PRPF18: variants seen among roughly 807,000 people sequenced by gnomAD.
PRPF18 encodes the protein pre-mRNA-splicing factor 18.
A neutral mutation model predicts 46.5 loss-of-function variants in PRPF18; 38 were observed. The observed-to-expected ratio is 0.82, with a 90% CI of 0.63 to 1.07. PRPF18 has a LOEUF of 1.07. PRPF18 is among the 50% of genes least tolerant of loss of function. The pLI, the probability that PRPF18 is intolerant of heterozygous loss-of-function variation, is 0.00. For synonymous variants in PRPF18, 152 were observed against 146.7 expected (o/e 1.04, Z -0.26); for missense variants, 263 against 410.0 (o/e 0.64, Z 3.10).
At chr10:13,613,651 T>C (rs2133757221) in intron 6 of PRPF18, 90 bp from the exon 7 acceptor site, 1 of 1,312,948 alleles carries the variant, frequency 7.6e-7, no homozygotes, top group Admixed American at 2.3e-5. Flanking sequence ...TTAAGGATGA[T>C]TGTATTCTGT....
At chr10:13,642,832 G>T in the PRPF18 span, 2 of 152,184 alleles carry the variant, frequency 1.3e-5, no homozygotes, top group African/African-American at 2.4e-5. Flanking sequence ...AGGAAGTAGA[G>T]AACACTCTCT....
chr10:13,654,278 C>A, the PRPF18 span: 1 of 693,482 alleles, frequency 1.4e-6, no homozygotes, highest in Non-Finnish European at 2.6e-6. Context: ...GATCATGGGG[C>A]TTCTCTTGAA....
At chr10:13,625,412 T>TAGCAAAAATTTAAATC (rs1177227973) in intron 9 of PRPF18, among the ~76,000 whole-genome samples, 1 of 152,166 alleles carries the variant, frequency 6.6e-6, no homozygotes, top group Non-Finnish European at 1.5e-5. Context: ...TCTTAAAAAT[T>TAGCAAAAATTTAAATC]AGCAAAAATT....
chr10:13,648,036 G>C, the PRPF18 span: 1 of 152,152 alleles, frequency 6.6e-6, no homozygotes, highest in Non-Finnish European at 1.5e-5. Context: ...TCACGATTGA[G>C]AATCATCAGT....
intron 3 of PRPF18, among the ~76,000 whole-genome samples, chr10:13,600,555 T>C (rs1309561012): frequency 6.6e-6 from 1 of 152,228 alleles, no homozygotes; most frequent in Non-Finnish European, 1.5e-5. Flanking sequence ...TTAGAGCTTA[T>C]CCTTCTAAAC....
chr10:13,609,783 G>T (rs547415805), intron 4 of PRPF18, among the ~76,000 whole-genome samples: 1 of 152,258 alleles, frequency 6.6e-6, no homozygotes, highest in African/African-American at 2.4e-5. Flanking sequence ...TGTCACTCAC[G>T]TGTATTTTAT....
At chr10:13,648,263 A>G in the PRPF18 span, 2 of 152,220 alleles carry the variant, frequency 1.3e-5, no homozygotes, top group Non-Finnish European at 1.5e-5. Context: ...GACACTGGCC[A>G]TGGGTATTAC....
chr10:13,591,465 C>T, intron 1 of PRPF18: 1 of 612,754 alleles, frequency 1.6e-6, no homozygotes, highest in South Asian at 2.0e-5. Context: ...ATGTAGAACA[C>T]CAATTTGTGA....
intron 1 of PRPF18, among the ~76,000 whole-genome samples, chr10:13,588,424 C>T (rs1264973602): frequency 1.3e-5 from 2 of 148,232 alleles, no homozygotes; most frequent in East Asian, 3.9e-4. Context: ...AAAAAAAATT[C>T]CTTCTAGCCA....
chr10:13,598,979 GT>G (rs1381280816), intron 2 of PRPF18, among the ~76,000 whole-genome samples: 1 of 152,278 alleles, frequency 6.6e-6, no homozygotes, highest in Admixed American at 6.5e-5. Context: ...AAAGATAATT[GT>G]TGATAACTTC....
At chr10:13,647,528 T>G in the PRPF18 span, 1 of 152,274 alleles carries the variant, frequency 6.6e-6, no homozygotes, top group East Asian at 1.9e-4. Context: ...CAGATGTCAC[T>G]AGGAAATTTT....
chr10:13,642,721 G>T, the PRPF18 span: 1 of 152,142 alleles, frequency 6.6e-6, no homozygotes, highest in Non-Finnish European at 1.5e-5. Flanking sequence ...TTACGTGAGG[G>T]CCCTTTGTCT....
At chr10:13,621,841 T>G (rs1400002930) in intron 9 of PRPF18, among the ~76,000 whole-genome samples, 2 of 152,242 alleles carry the variant, frequency 1.3e-5, no homozygotes, top group Non-Finnish European at 2.9e-5. Flanking sequence ...AGTTTCCTAG[T>G]AAAGACATCA....
chr10:13,589,962 A>G (rs2079933244), intron 1 of PRPF18, among the ~76,000 whole-genome samples: 1 of 152,068 alleles, frequency 6.6e-6, no homozygotes, highest in Non-Finnish European at 1.5e-5. Context: ...GTTGGAGTGC[A>G]TAGTGGATGT....
intron 1 of PRPF18, among the ~76,000 whole-genome samples, chr10:13,590,320 A>G (rs1360116420): frequency 6.6e-6 from 1 of 151,730 alleles, no homozygotes; most frequent in African/African-American, 2.4e-5. Flanking sequence ...AAATACTGAC[A>G]TTCGGCCGGG....
At chr10:13,650,603 T>C in the PRPF18 span, among the ~76,000 whole-genome samples, 7,341 of 152,164 alleles carry the variant, frequency 0.048, 501 homozygotes, top group African/African-American at 0.15. Context: ...AAAATACTGC[T>C]CTCATGACAT....
intron 5 of PRPF18, among the ~76,000 whole-genome samples, chr10:13,611,379 A>C (rs1232885120): frequency 6.6e-6 from 1 of 152,210 alleles, no homozygotes; most frequent in African/African-American, 2.4e-5. Context: ...CCAAAAAGAA[A>C]TCTCACATTC....
intron 2 of PRPF18, among the ~76,000 whole-genome samples, chr10:13,598,024 C>T (rs1184313651): frequency 6.6e-6 from 1 of 152,066 alleles, no homozygotes; most frequent in African/African-American, 2.4e-5. Context: ...CTTTTGGGTC[C>T]TAAGAACCTC....
chr10:13,622,903 A>G (rs1050586574), intron 9 of PRPF18, among the ~76,000 whole-genome samples: 1 of 152,176 alleles, frequency 6.6e-6, no homozygotes, highest in Non-Finnish European at 1.5e-5. Flanking sequence ...ATTTGTGTGA[A>G]AAGAGTTCCC....
Sources: allele counts gnomAD v4.1 joint callset (sites outside exome capture counted in the v4.1 genomes callset), GRCh38; gene constraint gnomAD v4.1.1; transcripts MANE v1.5; gene names NCBI Gene and HGNC (gene_info 2026-07-23, HGNC 2026-07-21).